The following CRACDL variants were observed in gnomAD, a reference collection of about 807,000 sequenced individuals.
CRACDL encodes CRACD like, also known as CRACD-like protein.
In CRACDL, 26 loss-of-function variants were observed where a neutral mutation model predicts 70.6. The ratio of observed to expected loss-of-function variants is 0.37; its 90% CI spans 0.27 to 0.51. The LOEUF (loss-of-function observed/expected upper bound fraction) is 0.51. Among genes scored for constraint, CRACDL ranks in the 20% least tolerant of loss-of-function variants. The pLI is 0.94. For missense variants in CRACDL, 1,283 were observed against 1,376.9 expected (o/e 0.93, Z 1.08); for synonymous variants, 618 against 615.2 (o/e 1.00, Z -0.07).
intron 7 of CRACDL, among the ~76,000 whole-genome samples, chr2:98,803,140 C>A (rs1366856025): frequency 1.3e-5 from 2 of 152,008 alleles, no homozygotes; most frequent in Non-Finnish European, 2.9e-5. Context: ...GCTGGGACTA[C>A]AGGCATGCAC....
intron 1 of CRACDL, among the ~76,000 whole-genome samples, chr2:98,906,010 T>A (rs1573180911): frequency 6.6e-6 from 1 of 152,164 alleles, no homozygotes; most frequent in Non-Finnish European, 1.5e-5. Context: ...TTTGGAGAAA[T>A]TTCCTCAAAT....
intron 2 of CRACDL, chr2:98,840,693 A>C (rs1366419418): frequency 1.3e-5 from 2 of 152,150 alleles, no homozygotes; most frequent in Non-Finnish European, 2.9e-5. Flanking sequence ...TCCTGCAAAA[A>C]CCGGAAAGCC....
rs1317827062 is a variant in CRACDL, at chr2:98,827,118, T to C, written c.592A>G (p.Ile198Val). The C allele has an allele frequency of 1.9e-6, 3 of 1,613,984 alleles. No individual in the cohort carries two copies. The highest frequency in any genetic ancestry group is 2.5e-6 in the Non-Finnish European group (3 of 1,180,010). The change falls in exon 6 of 10, where the codon ATC becomes GTC. Residue 198 changes from isoleucine to valine, a missense_variant. Ile to Val is a conservative substitution (Grantham distance 29). Around this residue, in one of 2 missense-constraint regions of CRACDL, gnomAD observed 362 missense variants for 495.0 expected, o/e 0.73. Coordinates refer to ENST00000397899, the MANE Select transcript of CRACDL (RefSeq NM_207362.3). The part of the protein sequence containing the change: ...HVSDSTVSAR[I>V]SDNSLAPVAD... ...ACTGGTGCCAGGCTGTTGTCTGAGA[T>C]CCGGGCAGAGACGGTGCTGTCGCTC...
At chr2:98,854,129 A>C (rs951327262) in intron 1 of CRACDL, among the ~76,000 whole-genome samples, 1 of 151,896 alleles carries the variant, frequency 6.6e-6, no homozygotes, top group Non-Finnish European at 1.5e-5. Flanking sequence ...TAAAAATACA[A>C]AAATTAGCTG....
chr2:98,924,247 C>T (rs1035353340), intron 1 of CRACDL, among the ~76,000 whole-genome samples: 3 of 152,172 alleles, frequency 2.0e-5, no homozygotes, highest in African/African-American at 7.2e-5. Flanking sequence ...TCCTGGCAGA[C>T]CCTGGGCTGG....
At chr2:98,927,734 A>T (rs1708968546) in intron 1 of CRACDL, among the ~76,000 whole-genome samples, 1 of 152,230 alleles carries the variant, frequency 6.6e-6, no homozygotes, top group Non-Finnish European at 1.5e-5. Flanking sequence ...GTTGAAAATC[A>T]CTTAATTAAA....
intron 7 of CRACDL, among the ~76,000 whole-genome samples, chr2:98,820,467 G>A (rs1021877157): frequency 2.0e-5 from 3 of 152,174 alleles, no homozygotes; most frequent in African/African-American, 7.2e-5. Flanking sequence ...CCGGCAGGTG[G>A]AGGTTGCAGT....
At chr2:98,870,045 G>C (rs567666985) in intron 1 of CRACDL, among the ~76,000 whole-genome samples, 5 of 152,276 alleles carry the variant, frequency 3.3e-5, no homozygotes, top group African/African-American at 1.2e-4. Context: ...ACTTGCCCTG[G>C]TGGCTCCTAT....
At chr2:98,838,695 G>C (rs1392026245) in intron 2 of CRACDL, among the ~76,000 whole-genome samples, 2 of 152,150 alleles carry the variant, frequency 1.3e-5, no homozygotes, top group Admixed American at 1.3e-4. Flanking sequence ...TAAAAATTAT[G>C]AATTGCTTTG....
intron 1 of CRACDL, among the ~76,000 whole-genome samples, chr2:98,908,152 C>G (rs1708460382): frequency 6.6e-6 from 1 of 152,222 alleles, no homozygotes; most frequent in Non-Finnish European, 1.5e-5. Context: ...TGCCAGTACC[C>G]TGGAGCTCCT....
intron 1 of CRACDL, among the ~76,000 whole-genome samples, chr2:98,910,833 G>A (rs1389280749): frequency 6.6e-6 from 1 of 152,232 alleles, no homozygotes; most frequent in Non-Finnish European, 1.5e-5. Context: ...AGCCAATAAT[G>A]TGGTGCCTCC....
chr2:98,803,229 T>G (rs901561057), intron 7 of CRACDL, among the ~76,000 whole-genome samples: 2 of 152,076 alleles, frequency 1.3e-5, no homozygotes, highest in Non-Finnish European at 2.9e-5. Flanking sequence ...CTCGATCTCT[T>G]GACCTCGTGA....
In CRACDL at chr2:98,904,155, CTGAACACAAAACAG is replaced by C; in HGVS notation, c.-11+31769_-11+31782del. 2.0e-5 allele frequency among the ~76,000 whole-genome samples: 3 copies of C among 152,368 alleles called. No homozygotes were observed. The East Asian group carries it at 5.8e-4, about 29-fold the overall frequency. On this transcript the variant is annotated intron_variant, in intron 1 of 9. Transcript: ENST00000397899. The stretch of plus-strand genomic sequence containing the variant: ...AGAAGGAACACTGAGTGGTCAGACA[CTGAACACAAAACAG>C]TGTGATCGAGGGGCCCACTTTCCAC...
rs745415787 is a variant in CRACDL at position 98,797,352 on chromosome 2, G to T, written c.2602C>A (p.Gln868Lys). The change falls in exon 8 of 10, where the codon CAG becomes AAG. Residue 868 changes from glutamine to lysine, a missense_variant and splice_region_variant. This residue lies in a region of CRACDL where 921 missense variants were observed against 881.9 expected (regional missense o/e 1.04). Transcript: ENST00000397899. Reference protein sequence around the residue: ...GKQAKVPERGQEPVKQADFVR... With the variant: ...GKQAKVPERGKEPVKQADFVR... ...ACAGAAGTATTTGCTCTAAGCACCT[G>T]GCCTCTCTCGGGCACCTTGGCTTGC... The T allele has an allele frequency of 5.6e-5, 91 of 1,614,066 alleles. No homozygotes were observed. Among genetic ancestry groups the T allele is most frequent in the Non-Finnish European group, 6.8e-5 (80 of 1,179,964 alleles).
intron 1 of CRACDL, among the ~76,000 whole-genome samples, chr2:98,897,123 C>T (rs964188732): frequency 2.0e-5 from 3 of 152,126 alleles, no homozygotes; most frequent in African/African-American, 7.2e-5. Flanking sequence ...TATAGCCACA[C>T]ACTCTTCCCC....
rs1438727878 is a variant in CRACDL at position 98,833,017 on chromosome 2, G to A, written c.240-20C>T. ...GACTCCCTAGGATAAAAGAGCCACT[G>A]TGAGACTCTGCCCACCTCCATCTTA... On this transcript the variant is annotated intron_variant, in intron 3 of 9. Transcript: ENST00000397899. 1.9e-6 allele frequency: 3 copies of A among 1,598,196 alleles called. No individual in the cohort carries two copies. The highest frequency in any genetic ancestry group is 2.6e-6 in the Non-Finnish European group (3 of 1,172,028).
chr2:98,908,777 G>A (rs1039718611), intron 1 of CRACDL, among the ~76,000 whole-genome samples: 3 of 152,208 alleles, frequency 2.0e-5, no homozygotes, highest in Non-Finnish European at 4.4e-5. Context: ...AGAGTCTACC[G>A]AAGGCTGGGA....
At chr2:98,934,105 A>G (rs1259940308) in intron 1 of CRACDL, among the ~76,000 whole-genome samples, 1 of 152,002 alleles carries the variant, frequency 6.6e-6, no homozygotes, top group African/African-American at 2.4e-5. Flanking sequence ...TCCACATATG[A>G]ATTTTTGGGG....
intron 1 of CRACDL, among the ~76,000 whole-genome samples, chr2:98,854,206 G>C (rs939768374): frequency 8.7e-5 from 13 of 148,808 alleles, no homozygotes; most frequent in South Asian, 4.2e-4. Flanking sequence ...GCGTGAACCC[G>C]GGAGGCAGAA....
Sources: gnomAD v4.1 joint callset for allele counts (sites outside exome capture counted in the v4.1 genomes callset) on GRCh38, gnomAD v4.1.1 for gene constraint, gnomAD v4.1.1 regional missense constraint, MANE v1.5 for transcripts, NCBI Gene and HGNC (gene_info 2026-07-23, HGNC 2026-07-21) for gene names.